The following RPH3AL variants were observed in gnomAD, a reference collection of about 807,000 sequenced individuals.
RPH3AL encodes rab effector Noc2.
Under a neutral mutation model 43.1 loss-of-function variants are expected in RPH3AL, and 38 were observed. That is an observed-to-expected ratio of 0.88 (90% confidence interval 0.68 to 1.15). The LOEUF (loss-of-function observed/expected upper bound fraction) is 1.15, where lower values mean the gene tolerates loss of function less well. RPH3AL is among the 50% of genes most tolerant of loss of function. RPH3AL has a pLI of 0.00. For synonymous variants in RPH3AL, 189 were observed against 176.3 expected, an observed-to-expected ratio of 1.07 and a Z score of -0.57; for missense variants, 462 against 423.2, an observed-to-expected ratio of 1.09 and a Z score of -0.81.
chr17:327,937 G>T (rs1241485403), intron 2 of RPH3AL, among the ~76,000 whole-genome samples: 3 of 152,184 alleles, frequency 2.0e-5, no homozygotes, highest in Non-Finnish European at 4.4e-5. Flanking sequence ...TCCCAGTACA[G>T]CAGGGGCCGA....
At chr17:285,937 G>C (rs1055095265) in intron 5 of RPH3AL, among the ~76,000 whole-genome samples, 1 of 152,184 alleles carries the variant, frequency 6.6e-6, no homozygotes, top group Non-Finnish European at 1.5e-5. Context: ...CTGAGCACCC[G>C]TGAGGGGCAC....
intron 5 of RPH3AL, among the ~76,000 whole-genome samples, chr17:299,721 G>T (rs974434391): frequency 5.3e-5 from 8 of 152,240 alleles, no homozygotes; most frequent in Admixed American, 1.3e-4. Context: ...GCACGGGGCC[G>T]CGCCGGACTG....
rs2042837640 is a variant in RPH3AL at position 283,685 on chromosome 17, G to T, written c.352-1831C>A. Among the ~76,000 whole-genome samples the T allele has an allele frequency of 6.6e-6, 1 of 152,102 alleles. No homozygotes were observed. Among genetic ancestry groups the T allele is most frequent in the Non-Finnish European group, 1.5e-5 (1 of 68,024 alleles). ...CCATGAGAGGGAGTGGGAGCATGTG[G>T]TCATATCTGTGCCAGTCCTGGGTTT... On this transcript the variant is annotated intron_variant, in intron 5 of 9. Coordinates refer to ENST00000331302, the MANE Select transcript of RPH3AL (RefSeq NM_006987.4). The surrounding 1 kb of genome is among the most constrained non-coding windows in gnomAD (Gnocchi z 4.2).
rs2041674366 is a variant in RPH3AL, at chr17:244,040, TTTCCTCTATTGATTACCC to T, written c.613+3053_613+3070del. Reference sequence around the variant, plus strand: ...TCTATTGATTACCTTCCTCTATTACTTTCCTCTATTGATTACCCTTCCTCTATTGATCACCTTCCTCTA... The same window carrying T: ...TCTATTGATTACCTTCCTCTATTACTTTCCTCTATTGATCACCTTCCTCTA... On this transcript the variant is annotated intron_variant, in intron 7 of 9. Coordinates refer to ENST00000331302, the MANE Select transcript of RPH3AL (RefSeq NM_006987.4). 5.4e-5 allele frequency among the ~76,000 whole-genome samples: 8 copies of T among 146,980 alleles called. No homozygotes were observed. In the South Asian group the frequency reaches 1.8e-3, roughly 33 times the overall value.
rs529011211 is a variant in RPH3AL at position 326,504 on chromosome 17, A to C, written c.77+963T>G. Among the ~76,000 whole-genome samples, 15 of 152,012 alleles carry C rather than the reference A, an allele frequency of 9.9e-5. No homozygotes were observed. In the South Asian group the frequency reaches 2.5e-3, roughly 25 times the overall value. On this transcript the variant is annotated intron_variant, in intron 3 of 9. Transcript: ENST00000331302. ...TGGAAGGCAGGCAAGGCATCTGAGA[A>C]CCCCCATCTCCAGCCACAGTGCACA...
At chr17:270,514 G>C (rs1401158450) in intron 6 of RPH3AL, among the ~76,000 whole-genome samples, 2 of 152,080 alleles carry the variant, frequency 1.3e-5, no homozygotes, top group Non-Finnish European at 2.9e-5. Context: ...GACCCCAGTG[G>C]GCTGCTGGTC....
At chr17:315,720 C>T (rs77449063) in intron 5 of RPH3AL, among the ~76,000 whole-genome samples, 14,079 of 137,732 alleles carry the variant, frequency 0.1, 11 homozygotes, top group South Asian at 0.15. Flanking sequence ...TTGTGCCCCA[C>T]CTCTATTGAC....
intron 6 of RPH3AL, among the ~76,000 whole-genome samples, chr17:252,037 A>G (rs547244831): frequency 3.3e-5 from 5 of 150,864 alleles, no homozygotes; most frequent in Non-Finnish European, 4.4e-5. Flanking sequence ...CAGTGGAGCA[A>G]TCGGCTCACT....
chr17:281,685 GT>G, intron 6 of RPH3AL, 82 bp downstream of exon 6: 1 of 306,108 alleles, frequency 3.3e-6, no homozygotes, highest in Non-Finnish European at 6.1e-6. Flanking sequence ...CCTCCCCACC[GT>G]CACCCTGACC....
intron 6 of RPH3AL, among the ~76,000 whole-genome samples, chr17:269,522 A>T (rs2042412128): frequency 6.6e-6 from 1 of 152,206 alleles, no homozygotes; most frequent in Admixed American, 6.5e-5. Context: ...ATTCAAGAAT[A>T]GAGCTGTTAG....
chr17:218,068 G>A (rs8071773), intron 8 of RPH3AL, among the ~76,000 whole-genome samples: 16 of 81,526 alleles, frequency 2.0e-4, no homozygotes, highest in Admixed American at 2.8e-4. Flanking sequence ...AAGGCATTTC[G>A]TTCCCATCTG....
At chr17:220,081 G>A (rs895658457) in intron 7 of RPH3AL, among the ~76,000 whole-genome samples, 7 of 149,582 alleles carry the variant, frequency 4.7e-5, no homozygotes, top group Non-Finnish European at 8.9e-5. Flanking sequence ...GATTATCACC[G>A]TGATGCAGGC....
At chr17:243,388 A>AC (rs200855584) in intron 7 of RPH3AL, among the ~76,000 whole-genome samples, 806 of 63,344 alleles carry the variant, frequency 0.013, no homozygotes, top group Middle Eastern at 0.037. Flanking sequence ...TCTATTGATT[A>AC]CCTTCCTCTA....
chr17:237,151 T>G (rs2041418515), intron 7 of RPH3AL, among the ~76,000 whole-genome samples: 1 of 152,174 alleles, frequency 6.6e-6, no homozygotes, highest in Non-Finnish European at 1.5e-5. Context: ...GGCAAACATT[T>G]GCGGCCTGAG....
intron 4 of RPH3AL, among the ~76,000 whole-genome samples, chr17:320,642 C>A (rs542220126): frequency 6.1e-4 from 90 of 148,066 alleles, no homozygotes; most frequent in African/African-American, 2.1e-3. Flanking sequence ...CTGTCCCCCC[C>A]AAAAAAAAAA....
At chr17:314,383 G>C (rs565648969) in intron 5 of RPH3AL, among the ~76,000 whole-genome samples, 298 of 143,902 alleles carry the variant, frequency 2.1e-3, no homozygotes, top group African/African-American at 7.9e-3. Context: ...AGTCCTGCAA[G>C]TTGGCCATTC....
intron 5 of RPH3AL, among the ~76,000 whole-genome samples, chr17:315,698 G>GGCCTGTAGTCTCTGTGCTCC (rs2044047044): frequency 1.1e-3 from 158 of 149,736 alleles, no homozygotes; most frequent in Admixed American, 1.9e-3. Context: ...CACCTCCATT[G>GGCCTGTAGTCTCTGTGCTCC]ACCTGTAGTC....
chr17:260,219 C>T (rs1376626836), intron 6 of RPH3AL, among the ~76,000 whole-genome samples: 1 of 152,234 alleles, frequency 6.6e-6, no homozygotes, highest in African/African-American at 2.4e-5. Context: ...CTCTAACAGG[C>T]AGTCACGCTT....
chr17:334,747 G>A (rs1321546516), intron 1 of RPH3AL, among the ~76,000 whole-genome samples: 3 of 89,826 alleles, frequency 3.3e-5, no homozygotes, highest in Admixed American at 1.3e-4. Flanking sequence ...TTCTCCCCAC[G>A]CCTTCCCCCA....
Sources: gnomAD v4.1 joint callset for allele counts (sites outside exome capture counted in the v4.1 genomes callset) on GRCh38, gnomAD v4.1.1 for gene constraint, Gnocchi (gnomAD v3.1) non-coding constraint, MANE v1.5 for transcripts, NCBI Gene and HGNC (gene_info 2026-07-23, HGNC 2026-07-21) for gene names.